The following DPP10 variants were observed in gnomAD, a reference collection of about 807,000 sequenced individuals.
DPP10 encodes dipeptidyl peptidase like 10.
In DPP10, 33 loss-of-function variants were observed where a neutral mutation model predicts 120.9. The observed-to-expected ratio is 0.27, with a 90% CI of 0.21 to 0.37. The LOEUF is 0.37. DPP10 is among the 10% of genes least tolerant of loss of function. The pLI is 1.00. For synonymous variants in DPP10, 337 were observed against 326.1 expected, an observed-to-expected ratio of 1.03 and a Z score of -0.36; for missense variants, 816 against 942.8, an observed-to-expected ratio of 0.87 and a Z score of 1.76.
intron 5 of DPP10, among the ~76,000 whole-genome samples, chr2:115,621,663 T>G (rs1048052221): frequency 6.6e-6 from 1 of 152,126 alleles, no homozygotes; most frequent in Non-Finnish European, 1.5e-5. Flanking sequence ...TAAAAAAAAT[T>G]CTATGTATTT....
intron 7 of DPP10, among the ~76,000 whole-genome samples, chr2:115,722,000 G>C (rs566949358): frequency 6.6e-6 from 1 of 152,226 alleles, no homozygotes; most frequent in East Asian, 1.9e-4. Flanking sequence ...GCCAGGCACA[G>C]AAAGACAAAT....
chr2:115,827,404 ATG>A (rs57052168), intron 21 of DPP10, among the ~76,000 whole-genome samples: 3,388 of 103,894 alleles, frequency 0.033, 127 homozygotes, highest in African/African-American at 0.06. Flanking sequence ...GTGTGTGTGT[ATG>A]TGTGTGTGTA....
chr2:114,622,953 G>A (rs768800945), intron 1 of DPP10, among the ~76,000 whole-genome samples: 1 of 152,074 alleles, frequency 6.6e-6, no homozygotes, highest in Non-Finnish European at 1.5e-5. Flanking sequence ...AGGCTTACAT[G>A]GAGGGTATTC....
rs539136977 is a variant in DPP10, at chr2:114,913,981, C to G, written c.61-395258C>G. Among the ~76,000 whole-genome samples, 222 of 152,250 alleles carry G rather than the reference C, an allele frequency of 1.5e-3. 1 individual carries two copies. The highest frequency in any genetic ancestry group is 5.1e-3 in the African/African-American group (211 of 41,566). The stretch of plus-strand genomic sequence containing the variant: ...CCAAGCTGAGGAAAGCTTCTCAGAG[C>G]TCAAAGACCACTTCTTCAAATCAAC... On this transcript the variant is annotated intron_variant, in intron 1 of 25. Transcript: ENST00000410059.
chr2:115,160,824 C>G (rs2052255747), intron 1 of DPP10, among the ~76,000 whole-genome samples: 1 of 152,020 alleles, frequency 6.6e-6, no homozygotes, highest in African/African-American at 2.4e-5. Flanking sequence ...AATTCCCACA[C>G]AACGTAAGCT....
intron 2 of DPP10, among the ~76,000 whole-genome samples, chr2:115,339,129 A>C (rs760061863): frequency 7.9e-5 from 12 of 152,178 alleles, no homozygotes; most frequent in Non-Finnish European, 8.8e-5. Context: ...CAACGAAATA[A>C]TTCAGTTAGA....
intron 21 of DPP10, among the ~76,000 whole-genome samples, chr2:115,834,858 G>A (rs577346735): frequency 3.9e-5 from 6 of 152,180 alleles, no homozygotes; most frequent in East Asian, 3.9e-4. Flanking sequence ...AGGCCGAGGC[G>A]GGTAGATCAC....
At chr2:115,015,965 C>T (rs529801871) in intron 1 of DPP10, among the ~76,000 whole-genome samples, 1 of 152,262 alleles carries the variant, frequency 6.6e-6, no homozygotes, top group South Asian at 2.1e-4. Context: ...CATCAAGCTA[C>T]CATTGACTTA....
At chr2:114,555,975 G>T (rs1688262316) in intron 1 of DPP10, among the ~76,000 whole-genome samples, 1 of 152,012 alleles carries the variant, frequency 6.6e-6, no homozygotes, top group African/African-American at 2.4e-5. Flanking sequence ...GAGAGAGCCA[G>T]GAGCCAGATC....
intron 3 of DPP10, among the ~76,000 whole-genome samples, chr2:115,370,686 A>C (rs994926247): frequency 2.0e-5 from 3 of 152,130 alleles, no homozygotes; most frequent in African/African-American, 7.2e-5. Flanking sequence ...TATTTCATCT[A>C]TTTCTGGGAA....
chr2:115,478,393 T>C (rs2075224608), intron 3 of DPP10, among the ~76,000 whole-genome samples: 1 of 152,174 alleles, frequency 6.6e-6, no homozygotes. Flanking sequence ...TAAAATGATG[T>C]TTAAAAACTA....
chr2:114,547,075 C>T (rs141384943), intron 1 of DPP10, among the ~76,000 whole-genome samples: 1 of 152,360 alleles, frequency 6.6e-6, no homozygotes, highest in East Asian at 1.9e-4. Flanking sequence ...ATCAGCCCCG[C>T]ATCATGTGTG....
At chr2:114,934,847 G>A (rs769162254) in intron 1 of DPP10, among the ~76,000 whole-genome samples, 56 of 152,094 alleles carry the variant, frequency 3.7e-4, no homozygotes, top group African/African-American at 1.0e-3. Flanking sequence ...GTATCATAGC[G>A]TTCATTTTTA....
chr2:115,629,570 A>G (rs896095182), intron 5 of DPP10, among the ~76,000 whole-genome samples: 2 of 152,106 alleles, frequency 1.3e-5, no homozygotes, highest in African/African-American at 4.8e-5. Flanking sequence ...GCCAGTGATG[A>G]TAAGCATTTT....
In DPP10 at chr2:114,869,244, A is replaced by G. The variant is rs555122603; in HGVS notation, c.60+426406A>G. On this transcript the variant is annotated intron_variant, in intron 1 of 25. Transcript: ENST00000410059. ...GTATATAATGCCTGTATGTATATAT[A>G]TATTATGTTTATGAGCATATACGAT... Among the ~76,000 whole-genome samples the G allele has an allele frequency of 1.2e-3, 180 of 152,222 alleles. 1 individual carries two copies. The highest frequency in any genetic ancestry group is 3.8e-3 in the African/African-American group (157 of 41,536).
intron 1 of DPP10, among the ~76,000 whole-genome samples, chr2:114,604,987 C>T (rs1053149884): frequency 1.3e-5 from 2 of 152,030 alleles, no homozygotes; most frequent in Non-Finnish European, 2.9e-5. Context: ...CTTGAATGAG[C>T]ATCTCTTCTG....
intron 1 of DPP10, among the ~76,000 whole-genome samples, chr2:114,899,824 G>A (rs927789935): frequency 6.6e-6 from 1 of 152,150 alleles, no homozygotes; most frequent in Non-Finnish European, 1.5e-5. Context: ...GCCGGGCTTG[G>A]TGGCGGGTGC....
intron 1 of DPP10, among the ~76,000 whole-genome samples, chr2:115,272,802 C>T (rs1478622893): frequency 1.3e-5 from 2 of 152,330 alleles, no homozygotes; most frequent in Middle Eastern, 3.4e-3. Context: ...CTGCGGGCTG[C>T]GCTGAGCAGA....
rs574348980 is a variant in DPP10, at chr2:114,800,027, T to C, written c.60+357189T>C. Among the ~76,000 whole-genome samples, 11 of 152,352 alleles carry C rather than the reference T, an allele frequency of 7.2e-5. No homozygotes were observed. The East Asian group carries it at 2.1e-3, about 29-fold the overall frequency. ...ACAGCTCAGTTTAACACACTTCCCT[T>C]CACTATGCTTAGAAGAAAATGAGGT... On this transcript the variant is annotated intron_variant, in intron 1 of 25. Coordinates refer to ENST00000410059, the MANE Select transcript of DPP10 (RefSeq NM_020868.6).
Sources: gnomAD v4.1 joint callset for allele counts (sites outside exome capture counted in the v4.1 genomes callset) on GRCh38, gnomAD v4.1.1 for gene constraint, MANE v1.5 for transcripts, NCBI Gene and HGNC (gene_info 2026-07-23, HGNC 2026-07-21) for gene names.